Variants in ALMS1 observed in about 807,000 individuals in gnomAD.
The protein encoded by ALMS1 is centrosome-associated protein ALMS1.
ALMS1 carries 271 observed loss-of-function variants against 352.2 expected under a neutral mutation model. That is an observed-to-expected ratio of 0.77 (90% CI 0.70 to 0.85). The LOEUF is 0.85. Among genes scored for constraint, ALMS1 ranks in the 40% least tolerant of loss-of-function variants. The pLI, the probability that ALMS1 is intolerant of heterozygous loss-of-function variation, is 0.00. For synonymous variants in ALMS1, 1,865 were observed against 1,761.2 expected (o/e 1.06, Z -1.48); for missense variants, 5,445 against 4,870.7 (o/e 1.12, Z -3.51).
intron 16 of ALMS1, among the ~76,000 whole-genome samples, chr2:73,594,110 A>G (rs907303997): frequency 2.6e-5 from 4 of 152,232 alleles, no homozygotes; most frequent in Non-Finnish European, 5.9e-5. Flanking sequence ...GGAATTAATC[A>G]TATGACAACT....
At chr2:73,408,845 T>A in intron 2 of ALMS1, 98 bp downstream of exon 2, 1 of 923,184 alleles carries the variant, frequency 1.1e-6, no homozygotes, top group Non-Finnish European at 1.6e-6. Flanking sequence ...TAATATTCAT[T>A]AATATTATGT....
At chr2:73,485,034 C>T (rs1449852021) in intron 9 of ALMS1, among the ~76,000 whole-genome samples, 1 of 152,196 alleles carries the variant, frequency 6.6e-6, no homozygotes, top group Non-Finnish European at 1.5e-5. Flanking sequence ...CCTCCCGTAG[C>T]TCAGAGTAAT....
chr2:73,527,691 A>T (rs1360560691), intron 11 of ALMS1, among the ~76,000 whole-genome samples: 1 of 151,994 alleles, frequency 6.6e-6, no homozygotes, highest in Non-Finnish European at 1.5e-5. Context: ...GATTTTGTTT[A>T]TCTTTTCAAC....
At chr2:73,414,065 C>T (rs182147006) in intron 2 of ALMS1, among the ~76,000 whole-genome samples, 1 of 152,166 alleles carries the variant, frequency 6.6e-6, no homozygotes, top group East Asian at 1.9e-4. Context: ...TAAAAGCCTG[C>T]TGGAATTTTT....
chr2:73,423,239 A>G (rs1671317507), intron 4 of ALMS1, among the ~76,000 whole-genome samples: 1 of 152,214 alleles, frequency 6.6e-6, no homozygotes, highest in Non-Finnish European at 1.5e-5. Flanking sequence ...TTTAATTTAG[A>G]AGACACACTG....
chr2:73,578,045 A>G (rs6756885), intron 16 of ALMS1, among the ~76,000 whole-genome samples: 50,352 of 151,928 alleles, frequency 0.33, 10,925 homozygotes, highest in African/African-American at 0.62. Flanking sequence ...TTTGCTTCAT[A>G]TATTTTAGGG....
At chr2:73,550,876 CTG>C (rs1674417590) in intron 13 of ALMS1, among the ~76,000 whole-genome samples, 1 of 151,868 alleles carries the variant, frequency 6.6e-6, no homozygotes. Flanking sequence ...GGGTCTCACT[CTG>C]TCACCCAGGC....
At chr2:73,509,797 T>A (rs565420958) in intron 10 of ALMS1, among the ~76,000 whole-genome samples, 2 of 152,232 alleles carry the variant, frequency 1.3e-5, no homozygotes, top group African/African-American at 4.8e-5. Flanking sequence ...TGAATTTGAA[T>A]GTTGGTCAGT....
chr2:73,515,941 G>A (rs1465068878), intron 10 of ALMS1, among the ~76,000 whole-genome samples: 2 of 152,032 alleles, frequency 1.3e-5, no homozygotes, highest in African/African-American at 2.4e-5. Context: ...CCAATAATGA[G>A]TTCTGAAATT....
chr2:73,486,046 G>T (rs541496113), intron 9 of ALMS1, among the ~76,000 whole-genome samples: 2 of 152,048 alleles, frequency 1.3e-5, no homozygotes, highest in South Asian at 2.1e-4. Context: ...CGTGGCTCAC[G>T]CTGGGAGCTG....
At chr2:73,430,318 C>T (rs62151604) in intron 6 of ALMS1, among the ~76,000 whole-genome samples, 19,896 of 152,126 alleles carry the variant, frequency 0.13, 1,507 homozygotes, top group Admixed American at 0.18. Context: ...CTTCGTGATC[C>T]GCCCGCCTCG....
chr2:73,517,263 T>TTTTTTTTTTTTTTTTTTTTTTG, intron 10 of ALMS1, among the ~76,000 whole-genome samples: 3 of 147,768 alleles, frequency 2.0e-5, no homozygotes, highest in African/African-American at 5.1e-5. Flanking sequence ...TTTTTTTTTT[T>TTTTTTTTTTTTTTTTTTTTTTG]CTTATAGAGA....
Position 73,449,206 on chromosome 2 carries a change from A to C in ALMS1, c.2679A>C (p.Pro893=). The change falls in exon 8 of 23, where the codon CCA becomes CCC. Residue 893 remains proline, a synonymous_variant. Coordinates refer to ENST00000613296, the MANE Select transcript of ALMS1 (RefSeq NM_001378454.1). ...EALKVSIVPG[P]GDQKTGIPSA... is the part of the protein sequence containing the mutation. ...TGAAAGTATCAATTGTTCCTGGACC[A>C]GGTGATCAGAAGACTGGGATACCCT... 6.2e-7 allele frequency: 1 copy of C among 1,614,144 alleles called. No individual in the cohort carries two copies. Among genetic ancestry groups the C allele is most frequent in the African/African-American group, 1.3e-5 (1 of 75,030 alleles).
chr2:73,560,383 G>GA (rs2104067478), intron 15 of ALMS1, among the ~76,000 whole-genome samples: 1 of 152,150 alleles, frequency 6.6e-6, no homozygotes, highest in South Asian at 2.1e-4. Context: ...ACTATCAAAA[G>GA]AAAAAATAGC....
intron 6 of ALMS1, among the ~76,000 whole-genome samples, chr2:73,429,277 GC>G (rs1309600885): frequency 4.0e-5 from 5 of 124,360 alleles, no homozygotes; most frequent in Non-Finnish European, 8.2e-5. Flanking sequence ...TAATTAATAT[GC>G]TTTTTTTTTT....
At chr2:73,551,728 G>C (rs1328183905) in intron 13 of ALMS1, among the ~76,000 whole-genome samples, 1 of 152,032 alleles carries the variant, frequency 6.6e-6, no homozygotes, top group African/African-American at 2.4e-5. Flanking sequence ...GAGCCACCGT[G>C]TCTGGCCCCC....
At chr2:73,546,514 A>C (rs142290530) in intron 12 of ALMS1, among the ~76,000 whole-genome samples, 1 of 152,372 alleles carries the variant, frequency 6.6e-6, no homozygotes, top group East Asian at 1.9e-4. Flanking sequence ...GTTTATGTTC[A>C]CGTTGGTTGA....
chr2:73,459,417 T>C (rs1672140670), intron 9 of ALMS1: 2 of 152,194 alleles, frequency 1.3e-5, no homozygotes, highest in South Asian at 4.1e-4. Flanking sequence ...TAGTTTAGGA[T>C]CTAGTGTTTA....
chr2:73,417,100 C>CA (rs141523968), intron 2 of ALMS1, among the ~76,000 whole-genome samples: 2,468 of 150,484 alleles, frequency 0.016, 65 homozygotes, highest in African/African-American at 0.057. Context: ...CTCACACACA[C>CA]AAAAAAAGAA....
Sources: allele counts gnomAD v4.1 joint callset (sites outside exome capture counted in the v4.1 genomes callset), GRCh38; gene constraint gnomAD v4.1.1; transcripts MANE v1.5; gene names NCBI Gene and HGNC (gene_info 2026-07-23, HGNC 2026-07-21).